EPHX2: variants seen among roughly 807,000 people sequenced by gnomAD.
EPHX2 encodes the protein epoxide hydrolase 2, also known as bifunctional epoxide hydrolase 2.
EPHX2 carries 74 observed loss-of-function variants against 78.7 expected under a neutral mutation model. The ratio of observed to expected loss-of-function variants is 0.94; its 90% CI spans 0.78 to 1.14. The LOEUF (loss-of-function observed/expected upper bound fraction) is 1.14, where lower values mean the gene tolerates loss of function less well. Among genes scored for constraint, EPHX2 ranks in the 50% most tolerant of loss-of-function variants. The probability of loss-of-function intolerance (pLI) is 0.00; values close to 1 mark genes in which losing one functional copy is unlikely to be tolerated. For synonymous variants in EPHX2, 251 were observed against 255.2 expected (o/e 0.98, Z 0.16); for missense variants, 715 against 702.5 (o/e 1.02, Z -0.20).
intron 9 of EPHX2, 47 bp downstream of exon 9, chr8:27,518,119 TGCTATAAACCCGAA>T: frequency 6.4e-7 from 1 of 1,556,376 alleles, no homozygotes; most frequent in African/African-American, 1.4e-5. Context: ...CGATTTTTGT[TGCTATAAACCCGAA>T]GCTGGGGTAT....
At chr8:27,531,457 G>A (rs567797364) in intron 12 of EPHX2, among the ~76,000 whole-genome samples, 71 of 152,318 alleles carry the variant, frequency 4.7e-4, no homozygotes, top group African/African-American at 1.7e-3. Flanking sequence ...GATGCTTCCA[G>A]CCACTGCCAT....
intron 6 of EPHX2, among the ~76,000 whole-genome samples, chr8:27,512,468 G>A (rs1814289250): frequency 6.6e-6 from 1 of 152,246 alleles, no homozygotes; most frequent in Non-Finnish European, 1.5e-5. Context: ...CCCACATTGA[G>A]GGCAAAGAGA....
At chr8:27,514,538 C>T (rs1814379082) in intron 6 of EPHX2, among the ~76,000 whole-genome samples, 1 of 152,190 alleles carries the variant, frequency 6.6e-6, no homozygotes, top group South Asian at 2.1e-4. Context: ...GTGGCTATAA[C>T]AAACACCCTG....
intron 12 of EPHX2, among the ~76,000 whole-genome samples, chr8:27,527,774 C>A (rs1448391816): frequency 6.6e-6 from 1 of 152,144 alleles, no homozygotes; most frequent in Non-Finnish European, 1.5e-5. Flanking sequence ...AGACCACATT[C>A]TCTTAATCTG....
intron 11 of EPHX2, among the ~76,000 whole-genome samples, chr8:27,525,103 TGTGTGCGCGC>T (rs1205627899): frequency 7.6e-5 from 10 of 131,386 alleles, no homozygotes; most frequent in African/African-American, 2.4e-4. Context: ...TGTGTGTGTG[TGTGTGCGCGC>T]GCGCGCGCGC....
chr8:27,501,627 G>A (rs1216417321), intron 2 of EPHX2, among the ~76,000 whole-genome samples: 1 of 151,734 alleles, frequency 6.6e-6, no homozygotes, highest in Non-Finnish European at 1.5e-5. Flanking sequence ...TACCCAGACT[G>A]GTCTAGAACT....
At chr8:27,515,567 C>A in intron 6 of EPHX2, 151 bp from the exon 7 acceptor site, 1 of 635,620 alleles carries the variant, frequency 1.6e-6, no homozygotes. Context: ...CAGCCATTTT[C>A]ATGTAACACT....
At chr8:27,507,204 A>T (rs1347499369) in intron 5 of EPHX2, among the ~76,000 whole-genome samples, 2 of 152,166 alleles carry the variant, frequency 1.3e-5, no homozygotes, top group East Asian at 1.9e-4. Context: ...GAACAGGGAG[A>T]CAAGAATTTA....
intron 1 of EPHX2, among the ~76,000 whole-genome samples, chr8:27,499,938 G>C (rs1434510840): frequency 6.6e-6 from 1 of 152,256 alleles, no homozygotes; most frequent in East Asian, 1.9e-4. Context: ...GAGCCCACCT[G>C]TATGATCTTA....
chr8:27,500,094 A>C (rs1035026625), intron 1 of EPHX2, among the ~76,000 whole-genome samples: 4 of 152,112 alleles, frequency 2.6e-5, no homozygotes, highest in Non-Finnish European at 5.9e-5. Context: ...TTGTGTCCCC[A>C]CCCAAATCTC....
intron 14 of EPHX2, 148 bp downstream of exon 14, chr8:27,538,840 G>T: frequency 1.2e-6 from 1 of 807,254 alleles, no homozygotes; most frequent in Non-Finnish European, 2.1e-6. Flanking sequence ...CATGCATAGG[G>T]CTGACTCTAA....
intron 2 of EPHX2, among the ~76,000 whole-genome samples, chr8:27,501,927 G>A (rs1390390026): frequency 6.6e-6 from 1 of 151,944 alleles, no homozygotes; most frequent in Non-Finnish European, 1.5e-5. Flanking sequence ...GTCTTATCTT[G>A]GGAGTGAATG....
intron 9 of EPHX2, among the ~76,000 whole-genome samples, chr8:27,519,421 G>A (rs543388324): frequency 1.4e-4 from 22 of 152,338 alleles, no homozygotes; most frequent in African/African-American, 5.3e-4. Flanking sequence ...GGTGGAACGA[G>A]CCTCTCACTG....
At chr8:27,548,471 G>A (rs1815608934), downstream of EPHX2, among the ~76,000 whole-genome samples, 1 of 152,166 alleles carries the variant, frequency 6.6e-6, no homozygotes, top group Non-Finnish European at 1.5e-5. Flanking sequence ...GCACCCAAAT[G>A]TGTAACTGTC....
intron 12 of EPHX2, among the ~76,000 whole-genome samples, chr8:27,530,762 C>CTTTTTTTTTTTTTT (rs11343503): frequency 3.1e-5 from 4 of 127,360 alleles, no homozygotes; most frequent in Non-Finnish European, 6.5e-5. Flanking sequence ...TAATTTTTTT[C>CTTTTTTTTTTTTTT]TTTTTTTTTT....
At chr8:27,499,666 A>C (rs1415446885) in intron 1 of EPHX2, among the ~76,000 whole-genome samples, 1 of 152,196 alleles carries the variant, frequency 6.6e-6, no homozygotes, top group Non-Finnish European at 1.5e-5. Context: ...ACATAAATAC[A>C]TTTGTTCTGT....
chr8:27,538,609 T>A (rs1018089554), intron 13 of EPHX2, 50 bp from the exon 14 acceptor site: 1 of 1,547,862 alleles, frequency 6.5e-7, no homozygotes, highest in Non-Finnish European at 8.9e-7. Context: ...GCATATTTCC[T>A]TTGTATCACC....
intron 12 of EPHX2, among the ~76,000 whole-genome samples, chr8:27,525,776 C>G (rs995302454): frequency 3.3e-5 from 5 of 152,168 alleles, no homozygotes; most frequent in African/African-American, 1.2e-4. Context: ...TAGAGCTGCC[C>G]CTCCTCATTC....
chr8:27,519,645 C>T (rs4149244), intron 9 of EPHX2, among the ~76,000 whole-genome samples: 11,588 of 152,268 alleles, frequency 0.076, 559 homozygotes, highest in Middle Eastern at 0.18. Flanking sequence ...GACTGATGAA[C>T]GATGGACGGC....
Sources: allele counts gnomAD v4.1 joint callset (sites outside exome capture counted in the v4.1 genomes callset), GRCh38; gene constraint gnomAD v4.1.1; transcripts MANE v1.5; gene names NCBI Gene and HGNC (gene_info 2026-07-23, HGNC 2026-07-21).